Variants in ZNF391 observed in about 807,000 individuals in gnomAD.
The protein encoded by ZNF391 is zinc finger protein 391.
For synonymous variants in ZNF391, 126 were observed against 142.1 expected (o/e 0.89, Z 0.80); for missense variants, 375 against 425.5 (o/e 0.88, Z 1.04).
intron 1 of ZNF391, among the ~76,000 whole-genome samples, chr6:27,381,432 G>A (rs1053786321): frequency 6.6e-6 from 1 of 152,230 alleles, no homozygotes; most frequent in Non-Finnish European, 1.5e-5. Context: ...TCCCGCTCGC[G>A]CTTCTCCCTC....
intron 1 of ZNF391, among the ~76,000 whole-genome samples, chr6:27,393,665 C>A (rs1761763652): frequency 6.6e-6 from 1 of 152,102 alleles, no homozygotes; most frequent in South Asian, 2.1e-4. Context: ...GTTTGGAGGG[C>A]TCAGAAGATG....
chr6:27,392,445 G>A (rs1239974391), intron 1 of ZNF391, among the ~76,000 whole-genome samples: 1 of 152,086 alleles, frequency 6.6e-6, no homozygotes, highest in African/African-American at 2.4e-5. Flanking sequence ...TATTAGAGAT[G>A]GGGTTTCACC....
chr6:27,380,307 CCTT>C (rs1223369385), intron 1 of ZNF391, among the ~76,000 whole-genome samples: 1 of 151,372 alleles, frequency 6.6e-6, no homozygotes. Flanking sequence ...GGAGTTTCCT[CCTT>C]CTAGTGGGTG....
chr6:27,388,125 A>G (rs1268310809), upstream of ZNF391, among the ~76,000 whole-genome samples: 3 of 151,976 alleles, frequency 2.0e-5, no homozygotes, highest in Non-Finnish European at 1.5e-5. Flanking sequence ...TATGTTTTCC[A>G]TTAAATCTTC....
intron 1 of ZNF391, among the ~76,000 whole-genome samples, chr6:27,381,555 C>G (rs1244159981): frequency 1.3e-5 from 2 of 152,220 alleles, no homozygotes; most frequent in African/African-American, 4.8e-5. Flanking sequence ...AAAGTGGGAG[C>G]CCAGGCAGAG....
chr6:27,382,667 T>A (rs4713086), intron 1 of ZNF391, among the ~76,000 whole-genome samples: 108,220 of 151,790 alleles, frequency 0.71, 38,739 homozygotes, highest in Middle Eastern at 0.8. Flanking sequence ...TAGGTAATGT[T>A]AGCACAGAGA....
At chr6:27,382,740 T>C (rs1414953321) in intron 1 of ZNF391, among the ~76,000 whole-genome samples, 3 of 152,150 alleles carry the variant, frequency 2.0e-5, no homozygotes, top group Middle Eastern at 3.4e-3. Flanking sequence ...GAAATGAAAA[T>C]GATTTTGATG....
chr6:27,400,282 A>G lies in ZNF391; in HGVS notation c.-78-11A>G, dbSNP rs1193747367. ...GATACAGATGACATTTACACTTTAA[A>G]TGTCTTTCAGATAGGGGGATTTGAG... On this transcript the variant is annotated splice_polypyrimidine_tract_variant and intron_variant, in intron 2 of 2. Transcript: ENST00000244576. 9.5e-6 allele frequency: 10 copies of G among 1,052,120 alleles called. No homozygotes were observed. Among genetic ancestry groups the G allele is most frequent in the African/African-American group, 4.8e-5 (3 of 62,728 alleles). 65.2% of individuals were successfully genotyped at this position (1,052,120 alleles called of 1,614,324 possible).
At chr6:27,387,855 A>G (rs143321212), upstream of ZNF391, among the ~76,000 whole-genome samples, 12 of 152,336 alleles carry the variant, frequency 7.9e-5, no homozygotes, top group Non-Finnish European at 1.5e-4. Flanking sequence ...TTAAAATGGT[A>G]ACTTTAATGT....
Position 27,391,201 on chromosome 6 carries a change from C to CTTTTTTTTTTTTTTT in ZNF391, c.-188+2132_-188+2146dup, listed in dbSNP as rs386406591. ...GGATTACTTTGGGGCATTCATTGTA[C>CTTTTTTTTTTTTTTT]TTTTTTTTTTTTTTTTTTTTGAGAC... On this transcript the variant is annotated intron_variant, in intron 1 of 2. Coordinates refer to ENST00000244576, the MANE Select transcript of ZNF391 (RefSeq NM_001076781.3). 1.2e-4 allele frequency: 12 copies of CTTTTTTTTTTTTTTT among 97,276 alleles called. 1 individual carries two copies. The highest frequency in any genetic ancestry group is 3.6e-4 in the South Asian group (1 of 2,762). 6.0% of individuals were successfully genotyped at this position (97,276 alleles called of 1,614,324 possible).
chr6:27,384,477 AAAAAAAGAG>A (rs1174735639), upstream of ZNF391, among the ~76,000 whole-genome samples: 12 of 71,192 alleles, frequency 1.7e-4, no homozygotes, highest in Non-Finnish European at 2.8e-4. Context: ...AAAAAAAAAA[AAAAAAAGAG>A]AGAGAGAGAG....
At position 27,401,534 on chromosome 6, in the gene ZNF391, C is replaced by T; in HGVS notation, c.*87C>T. On this transcript the variant is annotated 3_prime_UTR_variant, in exon 3 of 3. Transcript: ENST00000244576. Reference sequence around the variant, plus strand: ...TATATATATTTCAAGTATATATATACTTGTTCTAATTTTCTTTTATTAGAT... The same window carrying T: ...TATATATATTTCAAGTATATATATATTTGTTCTAATTTTCTTTTATTAGAT... 2 of 1,016,654 alleles carry T rather than the reference C, an allele frequency of 2.0e-6. No homozygotes were observed. Among genetic ancestry groups the T allele is most frequent in the Non-Finnish European group, 1.4e-6 (1 of 720,206 alleles). 63.0% of individuals were successfully genotyped at this position (1,016,654 alleles called of 1,614,324 possible).
intron 1 of ZNF391, among the ~76,000 whole-genome samples, chr6:27,394,092 A>C (rs1288320778): frequency 6.6e-6 from 1 of 152,250 alleles, no homozygotes; most frequent in East Asian, 1.9e-4. Context: ...AAGCTTTTTC[A>C]GCAGAGAAAT....
Position 27,376,488 on chromosome 6 carries a change from G to A in ZNF391, n.523+1351G>A, listed in dbSNP as rs1013561275. On this transcript the variant is annotated intron_variant and non_coding_transcript_variant, in intron 1 of 2. Transcript: ENST00000477999. This position sits in a 1 kb window ranked among gnomAD's most constrained non-coding sequence, Gnocchi z 4.7. ...TTTTTCCTTATACTACCTCACTGTG[G>A]TATTTTTTGGATTGGGACGTATGTG... is the stretch of plus-strand genomic sequence containing the variant. Among the ~76,000 whole-genome samples, 2 of 152,134 alleles carry A rather than the reference G, an allele frequency of 1.3e-5. No individual in the cohort carries two copies. The highest frequency in any genetic ancestry group is 2.9e-5 in the Non-Finnish European group (2 of 68,020).
chr6:27,400,317 A>T lies in ZNF391; in HGVS notation c.-54A>T. The T allele has an allele frequency of 7.1e-7, 1 of 1,413,710 alleles. No individual in the cohort carries two copies. Among genetic ancestry groups the T allele is most frequent in the East Asian group, 2.3e-5 (1 of 43,742 alleles). The allele number at this position is 1,413,710 out of a possible 1,614,324, so 87.6% of individuals were successfully genotyped here. A position where few individuals can be genotyped will look rare whatever the true frequency, so the allele number is the denominator to read the frequency against. On this transcript the variant is annotated 5_prime_UTR_variant, in exon 3 of 3. It adds an upstream start codon to the 5' untranslated region. Transcript: ENST00000244576. ...GATAGGGGGATTTGAGCTGAACCAA[A>T]GCATCAACACCAATCAGACTGTTTC...
At chr6:27,385,011 C>A, upstream of ZNF391, among the ~76,000 whole-genome samples, 1 of 144,888 alleles carries the variant, frequency 6.9e-6, no homozygotes. Context: ...AGTGAGACTC[C>A]ATCTCAAAAA....
At chr6:27,379,287 C>G (rs981216558) in intron 1 of ZNF391, among the ~76,000 whole-genome samples, 2 of 152,146 alleles carry the variant, frequency 1.3e-5, no homozygotes, top group Admixed American at 1.3e-4. Context: ...TGGTGTTACA[C>G]TTGTTGCAGT....
chr6:27,400,707 G>A lies in ZNF391; in HGVS notation c.337G>A (p.Glu113Lys). The A allele has an allele frequency of 6.2e-7, 1 of 1,613,672 alleles. No individual in the cohort carries two copies. Among genetic ancestry groups the A allele is most frequent in the Non-Finnish European group, 8.5e-7 (1 of 1,179,900 alleles). Residue 113 changes from glutamate (E) to lysine (K), a missense_variant, in exon 3 of 3, where the codon GAA (glutamate) becomes AAA (lysine). Physicochemically the swap from Glu to Lys is moderately conservative, Grantham distance 56. Transcript: ENST00000244576. Reference protein sequence around the residue: ...FSQRKPCKCNECEKAFSYQSD... With the variant: ...FSQRKPCKCNKCEKAFSYQSD... ...ACAAAGAAAACCTTGTAAATGCAAT[G>A]AATGTGAAAAAGCCTTTAGTTACCA...
chr6:27,401,116 A>T lies in ZNF391; in HGVS notation c.746A>T (p.Tyr249Phe). 2 of 1,614,250 alleles carry T rather than the reference A, an allele frequency of 1.2e-6. No individual in the cohort carries two copies. The highest frequency in any genetic ancestry group is 1.7e-6 in the Non-Finnish European group (2 of 1,180,036). The change falls in exon 3 of 3, where the codon TAT (tyrosine) becomes TTT (phenylalanine). Residue 249 changes from tyrosine to phenylalanine, a missense_variant. Transcript: ENST00000244576. ...CGAATACACACTGGAGAGAATCCCT[A>T]TGAATGCAGTAAATGTGGAAAAGCT... The part of the protein sequence containing the change: ...HQRIHTGENP[Y>F]ECSKCGKAFS...
Sources: gnomAD v4.1 joint callset for allele counts (sites outside exome capture counted in the v4.1 genomes callset) on GRCh38, gnomAD v4.1.1 for gene constraint, Gnocchi (gnomAD v3.1) non-coding constraint, MANE v1.5 for transcripts, NCBI Gene and HGNC (gene_info 2026-07-23, HGNC 2026-07-21) for gene names.